PPARD: variants seen among roughly 807,000 people sequenced by gnomAD.
PPARD encodes the protein peroxisome proliferator activated receptor delta, also known as peroxisome proliferator-activated receptor delta.
In PPARD, 6 loss-of-function variants were observed where a neutral mutation model predicts 39.5. The observed-to-expected ratio is 0.15, with a 90% CI of 0.08 to 0.30. The LOEUF (loss-of-function observed/expected upper bound fraction) is 0.30, where lower values mean the gene tolerates loss of function less well. Among genes scored for constraint, PPARD ranks in the 10% least tolerant of loss-of-function variants. The pLI, the probability that PPARD is intolerant of heterozygous loss-of-function variation, is 1.00. For synonymous variants in PPARD, 210 were observed against 231.3 expected, an observed-to-expected ratio of 0.91 and a Z score of 0.83; for missense variants, 397 against 596.8, an observed-to-expected ratio of 0.67 and a Z score of 3.49.
At position 35,353,962 on chromosome 6, in the gene PPARD, A is replaced by G. The variant is rs377322687; in HGVS notation, c.-102+6812A>G. On this transcript the variant is annotated intron_variant, in intron 2 of 7. Transcript: ENST00000360694. ...GTAAAAGCCATACACGGCTGGGCGC[A>G]TGGCTCACGCCTGTAATCTCAGCAC... is the stretch of plus-strand genomic sequence containing the variant. 2.3e-3 allele frequency among the ~76,000 whole-genome samples: 354 copies of G among 152,242 alleles called. 8 individuals are homozygous for G. Among genetic ancestry groups the G allele is most frequent in the Middle Eastern group, 0.01 (3 of 294 alleles).
chr6:35,383,622 A>G (rs560289373), intron 2 of PPARD, among the ~76,000 whole-genome samples: 1 of 130,636 alleles, frequency 7.7e-6, no homozygotes, highest in East Asian at 2.0e-4. Flanking sequence ...TCTAGGAAGG[A>G]GGAGCGTCTC....
intron 2 of PPARD, among the ~76,000 whole-genome samples, chr6:35,402,717 G>C (rs533138931): frequency 1.3e-5 from 2 of 152,160 alleles, no homozygotes; most frequent in Non-Finnish European, 2.9e-5. Flanking sequence ...AAGGCCACCC[G>C]GGCTTCTCCT....
chr6:35,380,484 T>G (rs1160303340), intron 2 of PPARD, among the ~76,000 whole-genome samples: 7,653 of 119,478 alleles, frequency 0.064, 567 homozygotes, highest in African/African-American at 0.23. Flanking sequence ...TTGTTTTTTT[T>G]TTTTTTTTTT....
chr6:35,396,733 G>A (rs1482412700), intron 2 of PPARD, among the ~76,000 whole-genome samples: 1 of 151,948 alleles, frequency 6.6e-6, no homozygotes, highest in African/African-American at 2.4e-5. Context: ...AGGAGACTGA[G>A]GCAGGAGAAT....
At chr6:35,397,496 A>C in intron 2 of PPARD, 1 of 980,880 alleles carries the variant, frequency 1.0e-6, no homozygotes, top group Non-Finnish European at 1.2e-6. Flanking sequence ...CCTCCTTTGA[A>C]GGGTCTGGAA....
chr6:35,392,211 C>G (rs946327585), intron 2 of PPARD, among the ~76,000 whole-genome samples: 1 of 151,558 alleles, frequency 6.6e-6, no homozygotes, highest in Non-Finnish European at 1.5e-5. Context: ...GCACCAGCAG[C>G]TCTCCTCTGT....
At position 35,352,330 on chromosome 6, in the gene PPARD, C is replaced by T. The variant is rs141067093; in HGVS notation, c.-102+5180C>T. 3.9e-4 allele frequency among the ~76,000 whole-genome samples: 60 copies of T among 152,094 alleles called. No individual in the cohort carries two copies. The East Asian group carries it at 9.3e-3, about 24-fold the overall frequency. The stretch of plus-strand genomic sequence containing the variant: ...TCCCAAGTAGCTGGGACCACAGGCG[C>T]GCACCCCAATGCCCGGCTAATTTTT... On this transcript the variant is annotated intron_variant, in intron 2 of 7. Coordinates refer to ENST00000360694, the MANE Select transcript of PPARD (RefSeq NM_006238.5).
chr6:35,418,942 G>T (rs1765959275), intron 3 of PPARD, among the ~76,000 whole-genome samples: 1 of 152,184 alleles, frequency 6.6e-6, no homozygotes, highest in South Asian at 2.1e-4. Context: ...TGGGGGAGTG[G>T]GGAGACCATG....
chr6:35,377,732 C>T (rs1762892052), intron 2 of PPARD, among the ~76,000 whole-genome samples: 2 of 152,140 alleles, frequency 1.3e-5, no homozygotes, highest in African/African-American at 2.4e-5. Context: ...CGCAATTGCA[C>T]TGTTTATTCC....
intron 2 of PPARD, among the ~76,000 whole-genome samples, chr6:35,388,386 G>A (rs999716299): frequency 6.6e-6 from 1 of 152,148 alleles, no homozygotes; most frequent in Non-Finnish European, 1.5e-5. Flanking sequence ...GAGCTTCCGG[G>A]AAGGGGATGG....
chr6:35,345,594 C>T (rs903119514), intron 1 of PPARD, among the ~76,000 whole-genome samples: 5 of 152,208 alleles, frequency 3.3e-5, no homozygotes, highest in African/African-American at 9.6e-5. Context: ...TGCCTCTTCA[C>T]CATGGCCTTC....
intron 1 of PPARD, among the ~76,000 whole-genome samples, chr6:35,346,846 G>A (rs1486782337): frequency 6.6e-6 from 1 of 152,236 alleles, no homozygotes; most frequent in African/African-American, 2.4e-5. Flanking sequence ...CAAAGCCAGT[G>A]TCTGCTTACT....
In PPARD at chr6:35,427,379, G is replaced by T. The variant is rs1198663184; in HGVS notation, c.*1300G>T. ...GGGCCAGGTCTCCGGGGAGGCAGGG[G>T]TCCTGCAGGTCCTGGTGGGTCAGCC... On this transcript the variant is annotated 3_prime_UTR_variant, in exon 8 of 8. Coordinates refer to ENST00000360694, the MANE Select transcript of PPARD (RefSeq NM_006238.5). 6.6e-6 allele frequency: 1 copy of T among 152,626 alleles called. No homozygotes were observed. The allele number at this position is 152,626 out of a possible 1,614,324, so 9.5% of individuals were successfully genotyped here. A position where few individuals can be genotyped will look rare whatever the true frequency, so the allele number is the denominator to read the frequency against.
chr6:35,419,134 C>A (rs1386982489), intron 3 of PPARD, among the ~76,000 whole-genome samples: 3 of 152,130 alleles, frequency 2.0e-5, no homozygotes, highest in Admixed American at 1.3e-4. Flanking sequence ...ATGGCTGATT[C>A]TCTGGTTTGG....
At chr6:35,367,671 G>A (rs1057499067) in intron 2 of PPARD, among the ~76,000 whole-genome samples, 1 of 152,150 alleles carries the variant, frequency 6.6e-6, no homozygotes, top group Non-Finnish European at 1.5e-5. Flanking sequence ...ACATGATGTC[G>A]GCCAAGCTTG....
At chr6:35,351,848 C>G (rs974366438) in intron 2 of PPARD, among the ~76,000 whole-genome samples, 7 of 150,420 alleles carry the variant, frequency 4.7e-5, no homozygotes, top group African/African-American at 1.7e-4. Context: ...AGGCATGAGC[C>G]ACCACACCCA....
chr6:35,382,342 A>T (rs1763199272), intron 2 of PPARD, among the ~76,000 whole-genome samples: 1 of 152,194 alleles, frequency 6.6e-6, no homozygotes, highest in Non-Finnish European at 1.5e-5. Context: ...ACCTGGCATC[A>T]CCTATACTGT....
At chr6:35,348,866 C>T (rs1001219152) in intron 2 of PPARD, 26 of 985,232 alleles carry the variant, frequency 2.6e-5, no homozygotes, top group Non-Finnish European at 3.0e-5. Context: ...ACCTCCTGAG[C>T]GGGGAGAGCT....
At chr6:35,381,153 G>A (rs745758574) in intron 2 of PPARD, among the ~76,000 whole-genome samples, 4 of 151,886 alleles carry the variant, frequency 2.6e-5, no homozygotes, top group Non-Finnish European at 5.9e-5. Flanking sequence ...AGTGGCCACT[G>A]GCTTTTCAGT....
Sources: allele counts gnomAD v4.1 joint callset (sites outside exome capture counted in the v4.1 genomes callset), GRCh38; gene constraint gnomAD v4.1.1; transcripts MANE v1.5; gene names NCBI Gene and HGNC (gene_info 2026-07-23, HGNC 2026-07-21).